Variants in DMD observed in about 807,000 individuals in gnomAD.
The protein encoded by DMD is mutant dystrophin.
DMD carries 63 observed loss-of-function variants against 330.1 expected under a neutral mutation model. That is an observed-to-expected ratio of 0.19 (90% CI 0.16 to 0.24). The LOEUF (loss-of-function observed/expected upper bound fraction) is 0.24, where lower values mean the gene tolerates loss of function less well. Ranked by LOEUF, DMD falls within the 10% of genes least tolerant of loss-of-function variation. The pLI is 1.00. For synonymous variants in DMD, 1,223 were observed against 959.8 expected (o/e 1.27, Z -5.07); for missense variants, 3,344 against 2,684.1 (o/e 1.25, Z -5.43).
Position 31,695,739 on chromosome X carries a change from G to T in DMD, c.7661-16153C>A, listed in dbSNP as rs1270037071. 3.6e-5 allele frequency among the ~76,000 whole-genome samples: 4 copies of T among 110,806 alleles called. No individual in the cohort carries two copies. The East Asian group carries it at 1.1e-3, about 31-fold the overall frequency. ...AAAAAAAGTTGAACTCATAGAAATG[G>T]AGAGTATTATGGTGGTGATCAAAAG... On this transcript the variant is annotated intron_variant, in intron 52 of 78. Coordinates refer to ENST00000357033, the MANE Select transcript of DMD (RefSeq NM_004006.3).
At chrX:32,009,085 C>T (rs1454304776) in intron 44 of DMD, among the ~76,000 whole-genome samples, 1 of 111,011 alleles carries the variant, frequency 9.0e-6, no homozygotes, top group African/African-American at 3.3e-5. Flanking sequence ...GAAGCTAATC[C>T]TATATTCAAA....
intron 7 of DMD, among the ~76,000 whole-genome samples, chrX:32,738,276 T>C (rs779067196): frequency 9.0e-6 from 1 of 111,003 alleles, no homozygotes; most frequent in Non-Finnish European, 1.9e-5. Context: ...GCTTTTAAAA[T>C]CATCACTCCC....
intron 19 of DMD, among the ~76,000 whole-genome samples, chrX:32,500,748 G>A (rs1027658999): frequency 9.0e-6 from 1 of 111,563 alleles, no homozygotes; most frequent in African/African-American, 3.3e-5. Context: ...TGTTATATTT[G>A]TTTGTTTTCA....
Position 31,260,214 on chromosome X carries a change from C to G in DMD, c.9286+741G>C, listed in dbSNP as rs752426052. ...CTATAACCGCACCACTGCACTCCAG[C>G]CTGGGAGACAGAGCAAGACCCTGTC... On this transcript the variant is annotated intron_variant, in intron 63 of 78. Transcript: ENST00000357033. Among the ~76,000 whole-genome samples the G allele has an allele frequency of 9.0e-5, 10 of 111,667 alleles. No homozygotes were observed. The South Asian group carries it at 3.8e-3, about 42-fold the overall frequency.
At chrX:33,075,725 T>C (rs140376323) in intron 1 of DMD, among the ~76,000 whole-genome samples, 468 of 111,876 alleles carry the variant, frequency 4.2e-3, no homozygotes, top group African/African-American at 0.014. Context: ...ATAACTGAAA[T>C]AGTGAAAGAG....
chrX:31,900,653 C>T (rs1386275507), intron 47 of DMD, among the ~76,000 whole-genome samples: 2 of 111,318 alleles, frequency 1.8e-5, no homozygotes, highest in African/African-American at 3.3e-5. Context: ...AATGTGGAAG[C>T]GACTTTGGAA....
At chrX:32,895,856 TGTGTGTGTGTGTGTG>T (rs2085667431) in intron 2 of DMD, among the ~76,000 whole-genome samples, 1 of 95,767 alleles carries the variant, frequency 1.0e-5, no homozygotes, top group South Asian at 5.7e-4. Context: ...TGTGTGTGTG[TGTGTGTGTGTGTGTG>T]TGTGTAGTGT....
chrX:31,227,494 T>C (rs966952371), intron 63 of DMD, among the ~76,000 whole-genome samples: 1 of 111,913 alleles, frequency 8.9e-6, no homozygotes, highest in Non-Finnish European at 1.9e-5. Flanking sequence ...CAATCCATTC[T>C]CAAACAGTGA....
chrX:31,376,605 T>C (rs1265160429), intron 60 of DMD, among the ~76,000 whole-genome samples: 1 of 111,754 alleles, frequency 8.9e-6, no homozygotes, highest in Non-Finnish European at 1.9e-5. Flanking sequence ...CTAGCAAGAA[T>C]GGAGAGGAAA....
intron 2 of DMD, among the ~76,000 whole-genome samples, chrX:32,999,895 C>T (rs2093234930): frequency 8.9e-6 from 1 of 112,642 alleles, no homozygotes; most frequent in African/African-American, 3.2e-5. Context: ...TCCATTGTTG[C>T]ATACTTGAAG....
At chrX:31,738,125 C>T (rs1333562451) in intron 51 of DMD, among the ~76,000 whole-genome samples, 2 of 111,769 alleles carry the variant, frequency 1.8e-5, no homozygotes, top group Non-Finnish European at 1.9e-5. Flanking sequence ...TTTGTTCTTT[C>T]TGGTTGGGAT....
chrX:31,818,762 T>C (rs1442653479), intron 50 of DMD, among the ~76,000 whole-genome samples: 1 of 109,597 alleles, frequency 9.1e-6, no homozygotes, highest in African/African-American at 3.3e-5. Flanking sequence ...AAAACCATAA[T>C]GCTTAAGTCT....
chrX:32,931,589 A>G (rs1179378567), intron 2 of DMD, among the ~76,000 whole-genome samples: 1 of 111,601 alleles, frequency 9.0e-6, no homozygotes, highest in South Asian at 3.7e-4. Context: ...GTATAAGCAT[A>G]TAAGTGTGCT....
At chrX:33,130,490 C>A (rs992249359) in intron 1 of DMD, among the ~76,000 whole-genome samples, 1 of 109,517 alleles carries the variant, frequency 9.1e-6, no homozygotes, top group Non-Finnish European at 1.9e-5. Flanking sequence ...GCCTCATTAG[C>A]TCTGGGGCCA....
chrX:33,133,605 C>A (rs1475314079), intron 1 of DMD, among the ~76,000 whole-genome samples: 2 of 111,508 alleles, frequency 1.8e-5, no homozygotes, highest in Non-Finnish European at 3.8e-5. Context: ...AGTAAAGGAT[C>A]CCGGCCATAA....
chrX:31,286,692 A>G (rs1002801188), intron 62 of DMD, among the ~76,000 whole-genome samples: 2 of 112,783 alleles, frequency 1.8e-5, no homozygotes, highest in African/African-American at 6.4e-5. Context: ...TTGTATGCAC[A>G]TTAAAATTTG....
chrX:31,612,623 GC>G (rs1305071072), intron 55 of DMD, among the ~76,000 whole-genome samples: 1 of 111,534 alleles, frequency 9.0e-6, no homozygotes, highest in African/African-American at 3.3e-5. Flanking sequence ...GATTAGTAGG[GC>G]TATGCAAATG....
chrX:31,254,560 T>TCAC (rs1012973275), intron 63 of DMD, among the ~76,000 whole-genome samples: 2 of 110,942 alleles, frequency 1.8e-5, no homozygotes, highest in African/African-American at 6.6e-5. Flanking sequence ...AGACGGGGTT[T>TCAC]CACCACGTTG....
intron 1 of DMD, among the ~76,000 whole-genome samples, chrX:33,070,085 A>G (rs778986368): frequency 2.9e-4 from 32 of 112,005 alleles, no homozygotes; most frequent in African/African-American, 9.1e-4. Flanking sequence ...GGGGAAGAAT[A>G]GGTTGCTGGA....
Sources: allele counts gnomAD v4.1 joint callset (sites outside exome capture counted in the v4.1 genomes callset), GRCh38; gene constraint gnomAD v4.1.1; transcripts MANE v1.5; gene names NCBI Gene and HGNC (gene_info 2026-07-23, HGNC 2026-07-21).